PCDH15: variants seen among roughly 807,000 people sequenced by gnomAD.
PCDH15 encodes protocadherin related 15, also known as protocadherin-15.
PCDH15 carries 129 observed loss-of-function variants against 178.5 expected under a neutral mutation model. The ratio of observed to expected loss-of-function variants is 0.72; its 90% CI spans 0.63 to 0.84. PCDH15 has a LOEUF of 0.84. Among genes scored for constraint, PCDH15 ranks in the 40% least tolerant of loss-of-function variants. PCDH15 has a pLI of 0.00. For synonymous variants in PCDH15, 800 were observed against 732.0 expected (o/e 1.09, Z -1.50); for missense variants, 2,230 against 2,099.9 (o/e 1.06, Z -1.21).
intron 16 of PCDH15, 152 bp downstream of exon 16, chr10:54,089,832 G>C (rs1418775715): frequency 3.0e-6 from 2 of 656,038 alleles, no homozygotes; most frequent in East Asian, 5.5e-5. Context: ...TCTGGGCTCA[G>C]AATTATCCTC....
chr10:54,514,753 A>G (rs1437923064), intron 3 of PCDH15, among the ~76,000 whole-genome samples: 2 of 152,194 alleles, frequency 1.3e-5, no homozygotes, highest in African/African-American at 4.8e-5. Flanking sequence ...CAAGGTGTTA[A>G]AAGAATATTC....
chr10:53,992,131 A>C (rs973694453), intron 21 of PCDH15, among the ~76,000 whole-genome samples: 2 of 151,872 alleles, frequency 1.3e-5, no homozygotes, highest in African/African-American at 4.8e-5. Flanking sequence ...GGAATGAGCA[A>C]CTCTGGACGG....
intron 2 of PCDH15, among the ~76,000 whole-genome samples, chr10:54,939,494 C>CAGAAAAA (rs1838003619): frequency 3.8e-5 from 1 of 26,664 alleles, no homozygotes; most frequent in African/African-American, 1.0e-4. Context: ...GACTCCGTCT[C>CAGAAAAA]AAAAAAAAAA....
chr10:54,069,724 GT>G (rs1255249362), intron 17 of PCDH15, among the ~76,000 whole-genome samples: 1 of 151,984 alleles, frequency 6.6e-6, no homozygotes, highest in Admixed American at 6.6e-5. Context: ...TTCTTGATTG[GT>G]TCAGAAGGAT....
intron 1 of PCDH15, among the ~76,000 whole-genome samples, chr10:54,797,271 G>A (rs1421775165): frequency 1.3e-5 from 2 of 151,882 alleles, no homozygotes; most frequent in African/African-American, 4.8e-5. Context: ...CAATAAACAA[G>A]CTTTGAACTT....
intron 2 of PCDH15, among the ~76,000 whole-genome samples, chr10:54,574,715 G>T (rs2090259350): frequency 1.3e-5 from 2 of 150,204 alleles, no homozygotes; most frequent in African/African-American, 4.9e-5. Flanking sequence ...CTGTAAACTA[G>T]TTCAACCATT....
intron 2 of PCDH15, among the ~76,000 whole-genome samples, chr10:55,123,078 T>A (rs927451596): frequency 6.6e-6 from 1 of 152,010 alleles, no homozygotes; most frequent in Non-Finnish European, 1.5e-5. Context: ...AGGATATCTA[T>A]CTCTATAAAC....
At chr10:54,755,438 T>A (rs992770241) in intron 1 of PCDH15, among the ~76,000 whole-genome samples, 6 of 152,212 alleles carry the variant, frequency 3.9e-5, no homozygotes, top group Non-Finnish European at 5.9e-5. Flanking sequence ...AGCTAATATG[T>A]CTTATTCTTA....
Position 54,482,388 on chromosome 10 carries a change from T to G in PCDH15, c.157+45424A>C, listed in dbSNP as rs1009368403. ...GAAAAAGTATAAAAGCAGATTCAAG[T>G]GATAGAGATTGATATCCCAATTAAA... On this transcript the variant is annotated intron_variant, in intron 3 of 37. Coordinates refer to ENST00000644397, the MANE Select transcript of PCDH15 (RefSeq NM_001384140.1). 2.0e-5 allele frequency among the ~76,000 whole-genome samples: 3 copies of G among 151,848 alleles called. No homozygotes were observed. The East Asian group carries it at 5.8e-4, about 30-fold the overall frequency.
intron 2 of PCDH15, among the ~76,000 whole-genome samples, chr10:55,060,038 C>G (rs532291492): frequency 6.6e-6 from 1 of 151,836 alleles, no homozygotes; most frequent in South Asian, 2.1e-4. Flanking sequence ...TTACATATTC[C>G]CACTGTTCAG....
chr10:54,829,860 G>A (rs1224271875), intron 3 of PCDH15, among the ~76,000 whole-genome samples: 1 of 152,100 alleles, frequency 6.6e-6, no homozygotes, highest in Admixed American at 6.6e-5. Context: ...GCTCCAAGAT[G>A]CTTTTTTGTT....
intron 3 of PCDH15, among the ~76,000 whole-genome samples, chr10:54,431,374 C>A (rs1044260753): frequency 6.6e-5 from 10 of 151,906 alleles, no homozygotes; most frequent in Admixed American, 5.9e-4. Flanking sequence ...ACTAGCTAAC[C>A]AAATTCAACA....
rs138901378 is a variant in PCDH15, at chr10:55,230,218, A to G, written c.-155-63567T>C. Among the ~76,000 whole-genome samples the G allele has an allele frequency of 2.8e-3, 427 of 152,160 alleles. 2 individuals carry two copies. Among genetic ancestry groups the G allele is most frequent in the African/African-American group, 9.8e-3 (407 of 41,496 alleles). On this transcript the variant is annotated intron_variant, in intron 1 of 5. Coordinates refer to the PCDH15 transcript ENST00000458638. ...ATTAAAATTTTGATTTATTTGGAAT[A>G]GAGTTATTAATTTTTTTAAATTTCC...
At position 54,317,086 on chromosome 10, in the gene PCDH15, T is replaced by C. The variant is rs547156927; in HGVS notation, c.876+185A>G. ...TAACATACTTTCTATTTGGAAATTA[T>C]ATAATTACTCTTTGTGTTAAAAATG... On this transcript the variant is annotated intron_variant, in intron 8 of 37. Transcript: ENST00000644397. Among the ~76,000 whole-genome samples, 7 of 152,346 alleles carry C rather than the reference T, an allele frequency of 4.6e-5. No individual in the cohort carries two copies. In the East Asian group the frequency reaches 1.2e-3, roughly 25 times the overall value.
chr10:54,095,982 G>A (rs1168938560), intron 15 of PCDH15, among the ~76,000 whole-genome samples: 1 of 152,148 alleles, frequency 6.6e-6, no homozygotes, highest in Non-Finnish European at 1.5e-5. Flanking sequence ...TTACCATTAT[G>A]TATTAAGCAC....
intron 2 of PCDH15, among the ~76,000 whole-genome samples, chr10:55,616,737 C>T (rs1341714527): frequency 3.3e-5 from 5 of 152,162 alleles, no homozygotes; most frequent in Non-Finnish European, 7.4e-5. Context: ...TAACGATTTC[C>T]AGTGTCATAA....
intron 3 of PCDH15, among the ~76,000 whole-genome samples, chr10:54,491,642 T>G (rs1229763686): frequency 6.6e-6 from 1 of 152,124 alleles, no homozygotes; most frequent in Non-Finnish European, 1.5e-5. Flanking sequence ...CCTTATATCA[T>G]TTTTTATTTT....
intron 3 of PCDH15, among the ~76,000 whole-genome samples, chr10:54,843,129 G>A (rs928448567): frequency 6.6e-6 from 1 of 151,858 alleles, no homozygotes; most frequent in Non-Finnish European, 1.5e-5. Context: ...TATCCAGAAA[G>A]CCCTTAAAAG....
intron 18 of PCDH15, among the ~76,000 whole-genome samples, chr10:54,028,296 TG>T (rs1379651814): frequency 6.7e-6 from 1 of 150,108 alleles, no homozygotes; most frequent in Admixed American, 6.7e-5. Flanking sequence ...CTACAGGTGC[TG>T]GAGAGGATGT....
Sources: gnomAD v4.1 joint callset for allele counts (sites outside exome capture counted in the v4.1 genomes callset) on GRCh38, gnomAD v4.1.1 for gene constraint, MANE v1.5 for transcripts, NCBI Gene and HGNC (gene_info 2026-07-23, HGNC 2026-07-21) for gene names.